Variants in CCDC93 observed in about 807,000 individuals in gnomAD.
CCDC93 encodes CCC complex scaffolding subunit CCDC93.
Under a neutral mutation model 108.2 loss-of-function variants are expected in CCDC93, and 61 were observed. That is an observed-to-expected ratio of 0.56 (90% CI 0.46 to 0.70). CCDC93 has a LOEUF of 0.70. Ranked by LOEUF, CCDC93 falls within the 30% of genes least tolerant of loss-of-function variation. The pLI is 0.00. For missense variants in CCDC93, 685 were observed against 764.2 expected (o/e 0.90, Z 1.22); for synonymous variants, 276 against 260.4 (o/e 1.06, Z -0.58).
intron 3 of CCDC93, among the ~76,000 whole-genome samples, chr2:118,003,643 G>T (rs983515308): frequency 3.9e-5 from 6 of 152,154 alleles, no homozygotes; most frequent in African/African-American, 1.4e-4. Flanking sequence ...CCTGCCTTCA[G>T]ACATGGCATT....
At chr2:117,938,177 T>C (rs1044938402) in intron 20 of CCDC93, among the ~76,000 whole-genome samples, 2 of 152,162 alleles carry the variant, frequency 1.3e-5, no homozygotes, top group African/African-American at 4.8e-5. Flanking sequence ...TCAATGCAAT[T>C]AGGTGTCATC....
chr2:117,943,312 C>T (rs1320632558), intron 18 of CCDC93, among the ~76,000 whole-genome samples: 1 of 152,228 alleles, frequency 6.6e-6, no homozygotes, highest in Non-Finnish European at 1.5e-5. Context: ...ACATATAAAG[C>T]ACTCAGTCAA....
intron 22 of CCDC93, chr2:117,934,555 AATG>A (rs1346925948): frequency 6.5e-6 from 1 of 153,914 alleles, no homozygotes; most frequent in Non-Finnish European, 1.5e-5. Flanking sequence ...CAGAGAGATT[AATG>A]ATATTTTTCT....
chr2:117,948,029 A>T, intron 15 of CCDC93, 76 bp downstream of exon 15: 1 of 1,199,668 alleles, frequency 8.3e-7, no homozygotes, highest in South Asian at 1.2e-5. Context: ...ATAGGATGCC[A>T]CAACAGGACA....
intron 11 of CCDC93, among the ~76,000 whole-genome samples, chr2:117,964,959 T>C (rs868603977): frequency 2.0e-5 from 3 of 152,194 alleles, no homozygotes; most frequent in Admixed American, 6.5e-5. Flanking sequence ...AAGTGATCCA[T>C]TATCTTCTAC....
intron 12 of CCDC93, among the ~76,000 whole-genome samples, chr2:117,956,967 C>T (rs547582575): frequency 6.6e-6 from 1 of 151,912 alleles, no homozygotes; most frequent in African/African-American, 2.4e-5. Flanking sequence ...CTCGGCTCAC[C>T]GCAACCTCCG....
In CCDC93 at chr2:117,974,857, T is replaced by C. The variant is rs1254707617; in HGVS notation, c.794A>G (p.Asn265Ser). 8.9e-6 allele frequency: 14 copies of C among 1,571,710 alleles called. No individual in the cohort carries two copies. The highest frequency in any genetic ancestry group is 1.2e-5 in the Non-Finnish European group (14 of 1,157,788). The change falls in exon 10 of 24, where the codon AAT becomes AGT. Residue 265 changes from asparagine (N) to serine (S), a missense_variant. Asn to Ser is a conservative substitution (Grantham distance 46). Transcript: ENST00000376300. ...SLMTKMTAMA[N>S]EESRLTASSV... ...TCCCCGACTCCCACTCACCTCCTCA[T>C]TTGCCATAGCGGTCATCTTGGTCAT...
intron 7 of CCDC93, among the ~76,000 whole-genome samples, chr2:117,983,060 C>T (rs758836496): frequency 6.6e-6 from 1 of 152,242 alleles, no homozygotes; most frequent in South Asian, 2.1e-4. Context: ...AGACTGGACC[C>T]GTTAAAGAAA....
At chr2:118,007,222 C>G (rs1205815345) in intron 2 of CCDC93, among the ~76,000 whole-genome samples, 3 of 152,248 alleles carry the variant, frequency 2.0e-5, no homozygotes, top group Admixed American at 6.5e-5. Flanking sequence ...GGCAGCAAGG[C>G]TGACATTTTG....
intron 19 of CCDC93, among the ~76,000 whole-genome samples, chr2:117,940,589 A>T (rs935480151): frequency 6.6e-6 from 1 of 152,236 alleles, no homozygotes; most frequent in Admixed American, 6.5e-5. Flanking sequence ...GAGAAGTGAC[A>T]GAATCAGATG....
intron 11 of CCDC93, among the ~76,000 whole-genome samples, chr2:117,966,740 G>A (rs1030924274): frequency 2.0e-5 from 3 of 152,136 alleles, no homozygotes; most frequent in Non-Finnish European, 2.9e-5. Flanking sequence ...ATTATCTGGC[G>A]AGATTCCCCA....
chr2:117,944,781 T>A (rs1171685382), intron 17 of CCDC93: 1 of 470,916 alleles, frequency 2.1e-6, no homozygotes, highest in East Asian at 6.9e-5. Flanking sequence ...ACTGGAAGAG[T>A]GCTGAAGCTC....
At chr2:117,975,625 G>T (rs765805158) in intron 8 of CCDC93, among the ~76,000 whole-genome samples, 1 of 152,186 alleles carries the variant, frequency 6.6e-6, no homozygotes, top group African/African-American at 2.4e-5. Flanking sequence ...TCTTCAAACT[G>T]CCTGTTAAGA....
chr2:117,937,933 C>T (rs563350359), intron 20 of CCDC93, among the ~76,000 whole-genome samples: 2 of 152,196 alleles, frequency 1.3e-5, no homozygotes, highest in Non-Finnish European at 2.9e-5. Context: ...TGTCTGACAG[C>T]AGGCAGTAAA....
intron 7 of CCDC93, among the ~76,000 whole-genome samples, chr2:117,982,756 G>T (rs1270265370): frequency 9.8e-4 from 1 of 1,020 alleles, no homozygotes; most frequent in African/African-American, 1.5e-3. Flanking sequence ...ATAGTGTAGT[G>T]GGGGGGGGGG....
intron 15 of CCDC93, among the ~76,000 whole-genome samples, chr2:117,947,549 A>G (rs566138720): frequency 7.3e-4 from 111 of 152,318 alleles, no homozygotes; most frequent in African/African-American, 2.4e-3. Flanking sequence ...TCAACAAAAT[A>G]TATTTTTGCA....
chr2:117,940,918 G>A (rs1432114351), intron 19 of CCDC93, among the ~76,000 whole-genome samples: 2 of 152,210 alleles, frequency 1.3e-5, no homozygotes, highest in African/African-American at 4.8e-5. Flanking sequence ...GGAGCTCAGG[G>A]GAAGGCTGTG....
At chr2:117,960,052 T>C (rs994317255) in intron 11 of CCDC93, among the ~76,000 whole-genome samples, 1 of 152,236 alleles carries the variant, frequency 6.6e-6, no homozygotes, top group Non-Finnish European at 1.5e-5. Flanking sequence ...ATGCTATTAA[T>C]TTGGCCACTT....
intron 11 of CCDC93, among the ~76,000 whole-genome samples, chr2:117,967,057 A>C (rs1324114195): frequency 2.0e-5 from 3 of 152,098 alleles, no homozygotes; most frequent in Non-Finnish European, 4.4e-5. Context: ...CAGTGGCGCG[A>C]TCTCAGCTCA....
Sources: allele counts gnomAD v4.1 joint callset (sites outside exome capture counted in the v4.1 genomes callset), GRCh38; gene constraint gnomAD v4.1.1; transcripts MANE v1.5; gene names NCBI Gene and HGNC (gene_info 2026-07-23, HGNC 2026-07-21).